The following TYW1 variants were observed in gnomAD, a reference collection of about 807,000 sequenced individuals.
TYW1 encodes the protein S-adenosyl-L-methionine-dependent tRNA 4-demethylwyosine synthase TYW1.
A neutral mutation model predicts 96.2 loss-of-function variants in TYW1; 46 were observed. That is an observed-to-expected ratio of 0.48 (90% CI 0.38 to 0.61). The LOEUF (loss-of-function observed/expected upper bound fraction) is 0.61, where lower values mean the gene tolerates loss of function less well. Among genes scored for constraint, TYW1 ranks in the 20% least tolerant of loss-of-function variants. The pLI is 0.00. For missense variants in TYW1, 684 were observed against 909.6 expected (o/e 0.75, Z 3.19); for synonymous variants, 274 against 323.0 (o/e 0.85, Z 1.63).
chr7:67,011,067 C>T (rs1401668970), intron 4 of TYW1, among the ~76,000 whole-genome samples: 2 of 151,840 alleles, frequency 1.3e-5, no homozygotes, highest in East Asian at 1.9e-4. Flanking sequence ...AATGGAGTTT[C>T]GCTCTTGTTG....
chr7:67,162,989 C>G (rs1008308406), intron 13 of TYW1, among the ~76,000 whole-genome samples: 3 of 152,138 alleles, frequency 2.0e-5, no homozygotes, highest in African/African-American at 7.2e-5. Flanking sequence ...CTTATTTATT[C>G]TCTTTCAGCT....
intron 12 of TYW1, among the ~76,000 whole-genome samples, chr7:67,102,852 G>T (rs758005970): frequency 2.0e-5 from 3 of 151,260 alleles, no homozygotes; most frequent in African/African-American, 7.4e-5. Flanking sequence ...GGGTTTCACC[G>T]TGTTAGCAGG....
At chr7:67,194,927 G>T (rs866116874) in intron 14 of TYW1, among the ~76,000 whole-genome samples, 1 of 145,030 alleles carries the variant, frequency 6.9e-6, no homozygotes. Flanking sequence ...GGTAGAAAGC[G>T]CAGGTACTTA....
At chr7:67,064,493 A>G (rs1257055460) in intron 9 of TYW1, among the ~76,000 whole-genome samples, 4 of 152,218 alleles carry the variant, frequency 2.6e-5, no homozygotes, top group Non-Finnish European at 4.4e-5. Flanking sequence ...CTGGGAAGAA[A>G]AAGAGGTTCA....
intron 6 of TYW1, among the ~76,000 whole-genome samples, chr7:67,023,046 A>T (rs1312509894): frequency 3.9e-5 from 6 of 152,098 alleles, no homozygotes; most frequent in Non-Finnish European, 7.4e-5. Context: ...TGTGGGGCAT[A>T]TTGGCCAGCA....
intron 12 of TYW1, among the ~76,000 whole-genome samples, chr7:67,109,012 G>A (rs1182360526): frequency 6.6e-6 from 1 of 151,856 alleles, no homozygotes; most frequent in Non-Finnish European, 1.5e-5. Flanking sequence ...GGTGGCTCAC[G>A]CCTGTAATCC....
At chr7:67,188,857 A>G (rs974732010) in intron 14 of TYW1, among the ~76,000 whole-genome samples, 5 of 152,102 alleles carry the variant, frequency 3.3e-5, no homozygotes, top group Non-Finnish European at 2.9e-5. Flanking sequence ...TGCAGACACA[A>G]TGCTGTTCAT....
At chr7:67,143,633 G>A (rs961226657) in intron 13 of TYW1, among the ~76,000 whole-genome samples, 1 of 152,162 alleles carries the variant, frequency 6.6e-6, no homozygotes, top group African/African-American at 2.4e-5. Flanking sequence ...AGAGCATGGG[G>A]TCAGATGGGG....
intron 15 of TYW1, among the ~76,000 whole-genome samples, chr7:67,207,552 A>G (rs1800845315): frequency 6.6e-6 from 1 of 152,130 alleles, no homozygotes; most frequent in East Asian, 1.9e-4. Flanking sequence ...AGTCATCCCT[A>G]TCTACTGTAC....
chr7:67,023,418 T>G (rs1794345757), intron 6 of TYW1, among the ~76,000 whole-genome samples: 1 of 152,052 alleles, frequency 6.6e-6, no homozygotes, highest in Non-Finnish European at 1.5e-5. Flanking sequence ...AAGTGACCCT[T>G]GAGTTACTGA....
At chr7:67,222,868 T>TC (rs1801440632) in intron 15 of TYW1, among the ~76,000 whole-genome samples, 1 of 59,238 alleles carries the variant, frequency 1.7e-5, no homozygotes, top group African/African-American at 5.6e-5. Context: ...CTTTTTTTCT[T>TC]TTTTTTTTTT....
intron 10 of TYW1, among the ~76,000 whole-genome samples, chr7:67,075,231 G>A (rs1465413646): frequency 6.6e-6 from 1 of 152,086 alleles, no homozygotes; most frequent in African/African-American, 2.4e-5. Context: ...TTACCATTGT[G>A]TGTCTCTTAT....
At chr7:67,123,847 G>T (rs1467448454) in intron 13 of TYW1, among the ~76,000 whole-genome samples, 1 of 152,206 alleles carries the variant, frequency 6.6e-6, no homozygotes, top group Non-Finnish European at 1.5e-5. Flanking sequence ...AAAGAAAATA[G>T]CTTTACCAGT....
At chr7:67,192,129 C>G (rs1029689209) in intron 14 of TYW1, among the ~76,000 whole-genome samples, 2 of 152,056 alleles carry the variant, frequency 1.3e-5, no homozygotes, top group African/African-American at 4.8e-5. Flanking sequence ...TTCCTGACCT[C>G]AAGTGATCTG....
rs181120111 is a variant in TYW1, at chr7:67,038,360, C to T, written c.985-11589C>T. On this transcript the variant is annotated intron_variant, in intron 7 of 15. Transcript: ENST00000359626. ...GTGGCTCATTCCTGTAATCCCAGAACTTTGGGAGGCTGAGGTGGGTGGATC... is the reference window on the plus strand; with the variant it reads ...GTGGCTCATTCCTGTAATCCCAGAATTTTGGGAGGCTGAGGTGGGTGGATC... Among the ~76,000 whole-genome samples the T allele has an allele frequency of 4.2e-4, 64 of 152,078 alleles. 1 individual carries two copies. The highest frequency in any genetic ancestry group is 2.4e-3 in the Admixed American group (36 of 15,258).
intron 13 of TYW1, among the ~76,000 whole-genome samples, chr7:67,178,578 AT>A (rs1354873330): frequency 6.6e-6 from 1 of 152,210 alleles, no homozygotes; most frequent in East Asian, 1.9e-4. Flanking sequence ...CTTGTTGTAT[AT>A]TCATGCAACC....
intron 7 of TYW1, among the ~76,000 whole-genome samples, chr7:67,030,091 C>T (rs1349375891): frequency 6.6e-6 from 1 of 152,114 alleles, no homozygotes; most frequent in African/African-American, 2.4e-5. Flanking sequence ...CCAGGAAGCC[C>T]CACTGAGCTT....
chr7:67,088,780 G>A (rs1796623965), intron 11 of TYW1, among the ~76,000 whole-genome samples: 1 of 152,048 alleles, frequency 6.6e-6, no homozygotes, highest in Admixed American at 6.6e-5. Flanking sequence ...ATGTTGCCCA[G>A]TCTGATCTCG....
intron 15 of TYW1, among the ~76,000 whole-genome samples, chr7:67,211,559 G>T (rs1422277143): frequency 6.6e-6 from 1 of 152,160 alleles, no homozygotes; most frequent in Non-Finnish European, 1.5e-5. Flanking sequence ...ACAGAGCAGA[G>T]AAATACATGT....
Sources: gnomAD v4.1 joint callset for allele counts (sites outside exome capture counted in the v4.1 genomes callset) on GRCh38, gnomAD v4.1.1 for gene constraint, MANE v1.5 for transcripts, NCBI Gene and HGNC (gene_info 2026-07-23, HGNC 2026-07-21) for gene names.